SRPK1: variants seen among roughly 807,000 people sequenced by gnomAD.
The protein encoded by SRPK1 is SRSF protein kinase 1, also known as SFRS protein kinase 1.
Under a neutral mutation model 89.5 loss-of-function variants are expected in SRPK1, and 52 were observed. That is an observed-to-expected ratio of 0.58 (90% CI 0.46 to 0.73). The LOEUF (loss-of-function observed/expected upper bound fraction) is 0.73, where lower values mean the gene tolerates loss of function less well. Ranked by LOEUF, SRPK1 falls within the 30% of genes least tolerant of loss-of-function variation. The pLI is 0.00. For missense variants in SRPK1, 603 were observed against 780.6 expected (o/e 0.77, Z 2.71); for synonymous variants, 255 against 270.2 (o/e 0.94, Z 0.55).
chr6:35,863,496 T>A (rs995775475), intron 12 of SRPK1, among the ~76,000 whole-genome samples: 10 of 149,700 alleles, frequency 6.7e-5, no homozygotes, highest in African/African-American at 9.8e-5. Context: ...AATGAATGAA[T>A]AAATAATTTT....
chr6:35,854,687 G>GC (rs1393709097), intron 13 of SRPK1, among the ~76,000 whole-genome samples: 1 of 150,316 alleles, frequency 6.7e-6, no homozygotes, highest in Admixed American at 6.7e-5. Flanking sequence ...AGGATCTACT[G>GC]CCCCCCAAAC....
At chr6:35,903,547 G>C (rs140008826) in intron 2 of SRPK1, among the ~76,000 whole-genome samples, 154 of 151,820 alleles carry the variant, frequency 1.0e-3, no homozygotes, top group African/African-American at 3.6e-3. Context: ...TCCCCAAAAG[G>C]ACTGTTAGCC....
intron 13 of SRPK1, among the ~76,000 whole-genome samples, chr6:35,854,991 G>A (rs1219833734): frequency 6.6e-6 from 1 of 152,062 alleles, no homozygotes; most frequent in Non-Finnish European, 1.5e-5. Flanking sequence ...ACTTCAGACA[G>A]TTCACCAGCT....
intron 2 of SRPK1, among the ~76,000 whole-genome samples, chr6:35,903,156 G>A (rs1273689545): frequency 2.6e-5 from 4 of 151,896 alleles, no homozygotes; most frequent in Non-Finnish European, 5.9e-5. Flanking sequence ...GAAAGATAGG[G>A]TTGCCTACAA....
chr6:35,853,808 CA>C (rs1769608594), intron 13 of SRPK1, among the ~76,000 whole-genome samples: 1 of 151,836 alleles, frequency 6.6e-6, no homozygotes, highest in African/African-American at 2.4e-5. Flanking sequence ...GGAGGAAGGG[CA>C]TTCAAAGGCC....
chr6:35,882,990 G>C (rs1426928171), intron 6 of SRPK1, among the ~76,000 whole-genome samples: 2 of 152,148 alleles, frequency 1.3e-5, no homozygotes, highest in Admixed American at 1.3e-4. Context: ...TGTATTTTTA[G>C]TAGAGATGGG....
intron 12 of SRPK1, among the ~76,000 whole-genome samples, chr6:35,864,014 A>C (rs1437812115): frequency 1.3e-5 from 2 of 152,202 alleles, no homozygotes; most frequent in African/African-American, 4.8e-5. Context: ...CTCAATCCCT[A>C]TCTCTCGTAA....
intron 15 of SRPK1, among the ~76,000 whole-genome samples, chr6:35,836,524 G>A (rs896754173): frequency 5.3e-5 from 8 of 151,996 alleles, no homozygotes; most frequent in African/African-American, 1.7e-4. Context: ...AGGCTGAGTC[G>A]GGTGGATCAC....
intron 2 of SRPK1, among the ~76,000 whole-genome samples, chr6:35,904,310 C>T (rs1472283223): frequency 6.6e-6 from 1 of 152,096 alleles, no homozygotes; most frequent in Non-Finnish European, 1.5e-5. Context: ...ATTTCCAAAG[C>T]TAATCCTCCA....
chr6:35,898,653 A>C (rs1770674663), intron 2 of SRPK1, among the ~76,000 whole-genome samples: 1 of 152,136 alleles, frequency 6.6e-6, no homozygotes, highest in Non-Finnish European at 1.5e-5. Context: ...AATCACTTGA[A>C]CTTGGGAGGC....
intron 6 of SRPK1, among the ~76,000 whole-genome samples, chr6:35,879,524 G>A (rs1182701373): frequency 6.6e-6 from 1 of 152,036 alleles, no homozygotes; most frequent in Non-Finnish European, 1.5e-5. Flanking sequence ...CTCCAGCCTT[G>A]GCAAGAGAGT....
chr6:35,854,127 T>C (rs1769617355), intron 13 of SRPK1, among the ~76,000 whole-genome samples: 1 of 152,088 alleles, frequency 6.6e-6, no homozygotes, highest in Admixed American at 6.6e-5. Flanking sequence ...ATTTTTGTAT[T>C]TTTAGTAGAG....
chr6:35,833,435 A>C lies in SRPK1; in HGVS notation c.*1869T>G, dbSNP rs1769104524. On this transcript the variant is annotated 3_prime_UTR_variant, in exon 16 of 16. Coordinates refer to ENST00000373825, the MANE Select transcript of SRPK1 (RefSeq NM_003137.5). Reference sequence around the variant, plus strand: ...GAATTCCTGTAATTCCACAATTGTGATTTTACTATGTAGAAGATAATTCAG... The same window carrying C: ...GAATTCCTGTAATTCCACAATTGTGCTTTTACTATGTAGAAGATAATTCAG... 6.6e-6 allele frequency: 1 copy of C among 152,394 alleles called. No homozygotes were observed. The allele number at this position is 152,394 out of a possible 1,614,324, so 9.4% of individuals were successfully genotyped here. A position where few individuals can be genotyped will look rare whatever the true frequency, so the allele number is the denominator to read the frequency against.
intron 2 of SRPK1, among the ~76,000 whole-genome samples, chr6:35,903,187 CA>C (rs1770782825): frequency 5.3e-5 from 8 of 151,718 alleles, no homozygotes; most frequent in African/African-American, 1.9e-4. Flanking sequence ...TAATCAGTTA[CA>C]AAATAAGGCT....
At chr6:35,918,212 G>GAA (rs1305642869) in intron 2 of SRPK1, among the ~76,000 whole-genome samples, 1 of 152,108 alleles carries the variant, frequency 6.6e-6, no homozygotes, top group Non-Finnish European at 1.5e-5. Context: ...AAGGAAGAAA[G>GAA]AAAAAGAGCA....
chr6:35,919,933 C>A (rs934639818), intron 2 of SRPK1: 1 of 374,972 alleles, frequency 2.7e-6, no homozygotes, highest in Non-Finnish European at 5.2e-6. Flanking sequence ...AAAGCCGATA[C>A]GCCTTACAGG....
chr6:35,910,005 T>G (rs1361791581), intron 2 of SRPK1, among the ~76,000 whole-genome samples: 2 of 151,904 alleles, frequency 1.3e-5, no homozygotes, highest in Admixed American at 6.6e-5. Context: ...TTTTTTAAGA[T>G]GGAGTTTCGC....
chr6:35,864,965 T>C (rs372869254), intron 12 of SRPK1, among the ~76,000 whole-genome samples: 36 of 152,256 alleles, frequency 2.4e-4, no homozygotes, highest in African/African-American at 8.4e-4. Flanking sequence ...TCTCATTTAT[T>C]TGTGGGAGCT....
intron 6 of SRPK1, among the ~76,000 whole-genome samples, chr6:35,884,398 G>C (rs977762592): frequency 3.9e-5 from 6 of 152,104 alleles, no homozygotes; most frequent in Non-Finnish European, 7.4e-5. Context: ...AGAAACGATA[G>C]TGGTCCAGAG....
Sources: gnomAD v4.1 joint callset for allele counts (sites outside exome capture counted in the v4.1 genomes callset) on GRCh38, gnomAD v4.1.1 for gene constraint, MANE v1.5 for transcripts, NCBI Gene and HGNC (gene_info 2026-07-23, HGNC 2026-07-21) for gene names.